ZNF521: variants seen among roughly 807,000 people sequenced by gnomAD.
ZNF521 encodes the protein zinc finger protein 521.
Under a neutral mutation model 105.5 loss-of-function variants are expected in ZNF521, and 14 were observed. The ratio of observed to expected loss-of-function variants is 0.13; its 90% CI spans 0.09 to 0.21. The LOEUF (loss-of-function observed/expected upper bound fraction) is 0.21. Among genes scored for constraint, ZNF521 ranks in the 10% least tolerant of loss-of-function variants. The pLI, the probability that ZNF521 is intolerant of heterozygous loss-of-function variation, is 1.00. For missense variants in ZNF521, 1,233 were observed against 1,629.7 expected (o/e 0.76, Z 4.19); for synonymous variants, 635 against 606.0 (o/e 1.05, Z -0.70).
intron 3 of ZNF521, among the ~76,000 whole-genome samples, chr18:25,267,605 C>T (rs368734232): frequency 5.9e-5 from 9 of 152,120 alleles, no homozygotes. Flanking sequence ...TTTGCTGTTC[C>T]GCAGCCTCTG....
At chr18:25,103,759 T>G (rs2034014522) in intron 5 of ZNF521, among the ~76,000 whole-genome samples, 2 of 111,918 alleles carry the variant, frequency 1.8e-5, no homozygotes, top group Non-Finnish European at 1.7e-5. Flanking sequence ...AGAGAAGGAG[T>G]AAGGGAGGGA....
chr18:25,190,901 T>C (rs1180610019), intron 5 of ZNF521, among the ~76,000 whole-genome samples: 1 of 152,238 alleles, frequency 6.6e-6, no homozygotes, highest in Non-Finnish European at 1.5e-5. Context: ...AAAATCGTGA[T>C]TATCTATAAA....
chr18:25,079,765 A>G (rs1309791170), intron 7 of ZNF521, among the ~76,000 whole-genome samples: 1 of 152,188 alleles, frequency 6.6e-6, no homozygotes, highest in Non-Finnish European at 1.5e-5. Context: ...CATGAATTAT[A>G]ACTGAGTATG....
chr18:25,280,787 C>G (rs1010008396), intron 3 of ZNF521, among the ~76,000 whole-genome samples: 1 of 152,160 alleles, frequency 6.6e-6, no homozygotes, highest in Non-Finnish European at 1.5e-5. Flanking sequence ...TTGAGAAGAA[C>G]AGGGTTTTCC....
At chr18:25,146,158 T>C (rs1207066067) in intron 5 of ZNF521, among the ~76,000 whole-genome samples, 1 of 152,222 alleles carries the variant, frequency 6.6e-6, no homozygotes, top group African/African-American at 2.4e-5. Flanking sequence ...AGCTAGCAAG[T>C]GCAGAGTTTT....
At chr18:25,221,572 CAAG>C (rs1375785717) in intron 4 of ZNF521, among the ~76,000 whole-genome samples, 1 of 152,112 alleles carries the variant, frequency 6.6e-6, no homozygotes, top group Non-Finnish European at 1.5e-5. Flanking sequence ...CAAGCCTCAG[CAAG>C]AAGAAGAGAT....
chr18:25,096,690 T>C (rs1684748154), intron 5 of ZNF521, among the ~76,000 whole-genome samples: 1 of 152,186 alleles, frequency 6.6e-6, no homozygotes, highest in Non-Finnish European at 1.5e-5. Flanking sequence ...TGATCAACGC[T>C]ACAGCCATTA....
At chr18:25,199,385 C>T (rs2035955098) in intron 4 of ZNF521, among the ~76,000 whole-genome samples, 1 of 151,732 alleles carries the variant, frequency 6.6e-6, no homozygotes, top group African/African-American at 2.4e-5. Flanking sequence ...GTGGAAACAG[C>T]TATAAGAAGG....
intron 5 of ZNF521, among the ~76,000 whole-genome samples, chr18:25,149,776 T>C (rs2035011966): frequency 6.6e-6 from 1 of 152,206 alleles, no homozygotes; most frequent in Non-Finnish European, 1.5e-5. Flanking sequence ...TAGTAGTTCA[T>C]AATGGGTGCT....
intron 3 of ZNF521, among the ~76,000 whole-genome samples, chr18:25,306,195 A>T (rs1911964510): frequency 6.6e-6 from 1 of 152,222 alleles, no homozygotes; most frequent in East Asian, 1.9e-4. Flanking sequence ...AAGATTGGTA[A>T]GAATTAATTA....
chr18:25,274,048 A>T (rs1256482890), intron 3 of ZNF521, among the ~76,000 whole-genome samples: 1 of 152,184 alleles, frequency 6.6e-6, no homozygotes, highest in East Asian at 1.9e-4. Context: ...TAAAAGGTGG[A>T]ATCTACCTCT....
At chr18:25,214,681 TC>T (rs1478147023) in intron 4 of ZNF521, among the ~76,000 whole-genome samples, 1 of 152,194 alleles carries the variant, frequency 6.6e-6, no homozygotes, top group Non-Finnish European at 1.5e-5. Context: ...TTTTAAGATA[TC>T]CTTTTCATTT....
Position 25,225,274 on chromosome 18 carries a change from A to G in ZNF521, c.2644T>C (p.Ser882Pro). 6.2e-7 allele frequency: 1 copy of G among 1,614,060 alleles called. No homozygotes were observed. Among genetic ancestry groups the G allele is most frequent in the South Asian group, 1.1e-5 (1 of 91,060 alleles). ...ATGTCGCAGCCGTACATAGGCTCAG[A>G]GGTGTCAACGTCTTCTTCGCTCCCA... ...HDGSEEDVDT[S>P]EPMYGCDICG... is the part of the protein sequence containing the mutation. Residue 882 changes from serine to proline, a missense_variant, in exon 4 of 8, where the codon TCT (serine) becomes CCT (proline). By Grantham distance (74) the Ser-to-Pro change is moderately conservative. Coordinates refer to ENST00000361524, the MANE Select transcript of ZNF521 (RefSeq NM_015461.3). This position sits in a 1 kb window ranked among gnomAD's most constrained non-coding sequence, Gnocchi z 5.6.
chr18:25,191,722 G>A (rs2035821211), intron 5 of ZNF521, among the ~76,000 whole-genome samples: 2 of 152,196 alleles, frequency 1.3e-5, no homozygotes, highest in South Asian at 4.1e-4. Flanking sequence ...TTTATTCAGA[G>A]CACTTACAAA....
rs542270159 is a variant in ZNF521 at position 25,073,231 on chromosome 18, T to C, written c.3907-10490A>G. Among the ~76,000 whole-genome samples, 5 of 152,292 alleles carry C rather than the reference T, an allele frequency of 3.3e-5. No individual in the cohort carries two copies. In the South Asian group the frequency reaches 1.0e-3, roughly 32 times the overall value. Reference sequence around the variant, plus strand: ...GCCTTGTGTACCAATTAGCAGCAAATAATGGAAGCTTAAATTGATAATTGC... The same window carrying C: ...GCCTTGTGTACCAATTAGCAGCAAACAATGGAAGCTTAAATTGATAATTGC... On this transcript the variant is annotated intron_variant, in intron 7 of 7. Coordinates refer to ENST00000361524, the MANE Select transcript of ZNF521 (RefSeq NM_015461.3).
At position 25,188,325 on chromosome 18, in the gene ZNF521, G is replaced by A. The variant is rs116820705; in HGVS notation, c.3658+6835C>T. The stretch of plus-strand genomic sequence containing the variant: ...GCAACAATATGAGCAGCTGAAGTTC[G>A]ACACCCACTCTCCATATTGGCTCCC... On this transcript the variant is annotated intron_variant, in intron 5 of 7. Coordinates refer to ENST00000361524, the MANE Select transcript of ZNF521 (RefSeq NM_015461.3). Among the ~76,000 whole-genome samples, 585 of 152,250 alleles carry A rather than the reference G, an allele frequency of 3.8e-3. 5 individuals carry two copies. The highest frequency in any genetic ancestry group is 0.012 in the African/African-American group (497 of 41,552).
rs1491489026 is a variant in ZNF521 at position 25,293,345 on chromosome 18, T to TACAC, written c.220+28659_220+28662dup. Among the ~76,000 whole-genome samples, 135 of 109,196 alleles carry TACAC rather than the reference T, an allele frequency of 1.2e-3. 1 individual carries two copies. The highest frequency in any genetic ancestry group is 5.4e-3 in the African/African-American group (134 of 24,596). 71.6% of individuals were successfully genotyped at this position (109,196 alleles called of 152,430 possible). On this transcript the variant is annotated intron_variant, in intron 3 of 7. Coordinates refer to ENST00000361524, the MANE Select transcript of ZNF521 (RefSeq NM_015461.3). ...TAACAGATTTTCTTGCTTGCACATG[T>TACAC]ACACATACACACACACACACACACA...
At chr18:25,228,034 GT>G (rs1268474312) in intron 3 of ZNF521, among the ~76,000 whole-genome samples, 2 of 152,118 alleles carry the variant, frequency 1.3e-5, no homozygotes, top group African/African-American at 4.8e-5. Flanking sequence ...TATATTTAAT[GT>G]TTCTTTTGTA....
At chr18:25,097,510 G>C (rs935960573) in intron 5 of ZNF521, among the ~76,000 whole-genome samples, 5 of 152,190 alleles carry the variant, frequency 3.3e-5, no homozygotes, top group African/African-American at 1.2e-4. Context: ...GAAGACCGAC[G>C]CTAGCACCTT....
Sources: gnomAD v4.1 joint callset for allele counts (sites outside exome capture counted in the v4.1 genomes callset) on GRCh38, gnomAD v4.1.1 for gene constraint, Gnocchi (gnomAD v3.1) non-coding constraint, MANE v1.5 for transcripts, NCBI Gene and HGNC (gene_info 2026-07-23, HGNC 2026-07-21) for gene names.